Variants in SLFN12L observed in about 807,000 individuals in gnomAD.
The protein encoded by SLFN12L is schlafen family member 12 like, also known as schlafen family member 12-like.
Under a neutral mutation model 34.8 loss-of-function variants are expected in SLFN12L, and 34 were observed. The ratio of observed to expected loss-of-function variants is 0.98; its 90% CI spans 0.74 to 1.30. The LOEUF (loss-of-function observed/expected upper bound fraction) is 1.30. Ranked by LOEUF, SLFN12L falls within the 50% of genes most tolerant of loss-of-function variation. The probability of loss-of-function intolerance (pLI) is 0.00; values close to 1 mark genes in which losing one functional copy is unlikely to be tolerated. For synonymous variants in SLFN12L, 259 were observed against 247.5 expected (o/e 1.05, Z -0.44); for missense variants, 703 against 696.2 (o/e 1.01, Z -0.11).
chr17:35,490,536 CCAGTGGATGGGTTG>C, intron 2 of SLFN12L: 6 of 863,820 alleles, frequency 6.9e-6, no homozygotes, highest in Non-Finnish European at 1.2e-5. Flanking sequence ...AAAATAACGT[CCAGTGGATGGGTTG>C]CAGTCTGTCT....
chr17:35,526,019 C>T (rs892754231), intron 1 of SLFN12L, among the ~76,000 whole-genome samples: 2 of 152,030 alleles, frequency 1.3e-5, no homozygotes, highest in African/African-American at 4.8e-5. Context: ...GGAATATTTA[C>T]CAAGCAAAGG....
chr17:35,475,264 T>G lies in SLFN12L; in HGVS notation c.1498A>C (p.Thr500Pro). The G allele has an allele frequency of 1.2e-6, 2 of 1,614,120 alleles. No individual in the cohort carries two copies. The highest frequency in any genetic ancestry group is 1.7e-6 in the Non-Finnish European group (2 of 1,180,016). The change falls in exon 5 of 5, where the codon ACC (threonine) becomes CCC (proline). Residue 500 changes from threonine (T) to proline (P), a missense_variant. Coordinates refer to ENST00000628453, the MANE Select transcript of SLFN12L (RefSeq NM_001363830.2). Reference protein sequence around the residue: ...ISQDKPPVLYTFHMVQDEEFK... With the variant: ...ISQDKPPVLYPFHMVQDEEFK... Reference sequence around the variant, plus strand: ...TCCTCATCCTGTACCATGTGGAAGGTGTATAGGACTGGAGGCTTGTCCTGG... The same window carrying G: ...TCCTCATCCTGTACCATGTGGAAGGGGTATAGGACTGGAGGCTTGTCCTGG...
intron 1 of SLFN12L, among the ~76,000 whole-genome samples, chr17:35,525,439 A>G (rs1022361934): frequency 6.6e-6 from 1 of 152,218 alleles, no homozygotes; most frequent in African/African-American, 2.4e-5. Flanking sequence ...GAAGGAAAAA[A>G]ATGTTAAGGG....
Position 35,471,771 on chromosome 17 carries a change from T to C in SLFN12L, c.*3152A>G, listed in dbSNP as rs1214460840. ...TAATCACCATTTGACTTGTGTGAGA[T>C]GGTGTCTCATTGTGGTTTTGATTTG... On this transcript the variant is annotated 3_prime_UTR_variant, in exon 5 of 5. Transcript: ENST00000628453. Among the ~76,000 whole-genome samples, 1 of 152,218 alleles carries C rather than the reference T, an allele frequency of 6.6e-6. No homozygotes were observed. Among genetic ancestry groups the C allele is most frequent in the African/African-American group, 2.4e-5 (1 of 41,456 alleles).
In SLFN12L at chr17:35,502,871, A is replaced by G. The variant is rs185311159; in HGVS notation, c.86+19408T>C. Among the ~76,000 whole-genome samples the G allele has an allele frequency of 8.5e-5, 13 of 152,350 alleles. No individual in the cohort carries two copies. In the East Asian group the frequency reaches 2.3e-3, roughly 27 times the overall value. ...AGAATTTATGCAAAAATAATGTTAT[A>G]TGGTAAATTCTTGTCCTGAAATAAA... On this transcript the variant is annotated intron_variant, in intron 2 of 4. Transcript: ENST00000628453.
At chr17:35,504,816 A>G (rs1391089201) in intron 2 of SLFN12L, among the ~76,000 whole-genome samples, 2 of 152,332 alleles carry the variant, frequency 1.3e-5, no homozygotes, top group African/African-American at 4.8e-5. Flanking sequence ...AGAATTTTCA[A>G]GAGCTTATCA....
chr17:35,532,278 A>G (rs2072418947), intron 1 of SLFN12L, among the ~76,000 whole-genome samples: 2 of 151,724 alleles, frequency 1.3e-5, no homozygotes, highest in African/African-American at 4.8e-5. Flanking sequence ...CGACTCTACT[A>G]AAAATACAAA....
chr17:35,519,291 GCA>G (rs2142166311), intron 2 of SLFN12L, among the ~76,000 whole-genome samples: 2 of 152,214 alleles, frequency 1.3e-5, no homozygotes, highest in East Asian at 1.9e-4. Flanking sequence ...AACTACCATG[GCA>G]CATGTATACC....
Position 35,464,896 on chromosome 17 carries a change from A to C in SLFN12L, c.*10027T>G, listed in dbSNP as rs1913697478. 6.6e-6 allele frequency among the ~76,000 whole-genome samples: 1 copy of C among 152,040 alleles called. No homozygotes were observed. Among genetic ancestry groups the C allele is most frequent in the Admixed American group, 6.6e-5 (1 of 15,260 alleles). ...TCTGTTTTTTGCTTTTTTTAGAGAG[A>C]GATAAAGTCTTGCTCTGTCACCCAG... On this transcript the variant is annotated 3_prime_UTR_variant, in exon 5 of 5. Coordinates refer to ENST00000628453, the MANE Select transcript of SLFN12L (RefSeq NM_001363830.2).
intron 2 of SLFN12L, among the ~76,000 whole-genome samples, chr17:35,495,900 AAC>A (rs58553128): frequency 0.063 from 8,706 of 137,880 alleles, 266 homozygotes; most frequent in African/African-American, 0.076. Flanking sequence ...GCCGATTTGA[AAC>A]ACACACACAC....
intron 4 of SLFN12L, 74 bp downstream of exon 4, chr17:35,478,001 C>A (rs1914112294): frequency 2.3e-6 from 2 of 878,248 alleles, no homozygotes; most frequent in African/African-American, 1.8e-5. Context: ...AATATCAAGA[C>A]AGAGCTGGTT....
Position 35,479,785 on chromosome 17 carries a change from G to C in SLFN12L, c.497C>G (p.Ser166Cys). ...TSGPQIATLS[S>C]SLYKRDVTSA... Reference sequence around the variant, plus strand: ...CGTTACATCTCTCTTGTACAAACTGGAGCTCAACGTGGCAATCTGCGGACC... The same window carrying C: ...CGTTACATCTCTCTTGTACAAACTGCAGCTCAACGTGGCAATCTGCGGACC... Residue 166 changes from serine (S) to cysteine (C), a missense_variant, in exon 3 of 5, where the codon TCC (serine) becomes TGC (cysteine). By Grantham distance (112) the Ser-to-Cys change is moderately radical. Coordinates refer to ENST00000628453, the MANE Select transcript of SLFN12L (RefSeq NM_001363830.2). 1 of 1,613,338 alleles carries C rather than the reference G, an allele frequency of 6.2e-7. No homozygotes were observed. Among genetic ancestry groups the C allele is most frequent in the Non-Finnish European group, 8.5e-7 (1 of 1,179,578 alleles).
chr17:35,511,160 GTTC>G (rs758708417), intron 2 of SLFN12L, among the ~76,000 whole-genome samples: 23 of 152,178 alleles, frequency 1.5e-4, no homozygotes, highest in Admixed American at 9.8e-4. Flanking sequence ...AAGATGCAGA[GTTC>G]TTTTCTTTTT....
intron 2 of SLFN12L, among the ~76,000 whole-genome samples, chr17:35,496,214 T>C (rs1334525528): frequency 6.6e-6 from 1 of 152,060 alleles, no homozygotes; most frequent in African/African-American, 2.4e-5. Context: ...CCAGGCACGG[T>C]GGCTCACGCC....
chr17:35,525,242 A>C (rs1194397651), intron 1 of SLFN12L, among the ~76,000 whole-genome samples: 5 of 152,168 alleles, frequency 3.3e-5, no homozygotes, highest in Non-Finnish European at 7.4e-5. Context: ...ATTGGTGTAC[A>C]TGAAAGTGAT....
rs9910817 is a variant in SLFN12L at position 35,524,583 on chromosome 17, G to C, written c.-605-1614C>G. Reference sequence around the variant, plus strand: ...CACACTGGTGATACCCAGGCAAACGGGGTCTGCAGTGGACCTCCAGCAAAC... The same window carrying C: ...CACACTGGTGATACCCAGGCAAACGCGGTCTGCAGTGGACCTCCAGCAAAC... On this transcript the variant is annotated intron_variant, in intron 1 of 4. Coordinates refer to ENST00000628453, the MANE Select transcript of SLFN12L (RefSeq NM_001363830.2). Among the ~76,000 whole-genome samples the C allele has an allele frequency of 4.4e-3, 670 of 152,340 alleles. 8 individuals are homozygous for C. Among genetic ancestry groups the C allele is most frequent in the African/African-American group, 0.016 (647 of 41,578 alleles).
intron 2 of SLFN12L, among the ~76,000 whole-genome samples, chr17:35,510,589 G>A (rs1383053456): frequency 1.3e-5 from 2 of 152,170 alleles, no homozygotes; most frequent in Non-Finnish European, 2.9e-5. Flanking sequence ...GTTGCCAGGG[G>A]CTGGACAAGG....
chr17:35,503,421 T>C (rs912817757), intron 2 of SLFN12L, among the ~76,000 whole-genome samples: 1 of 152,106 alleles, frequency 6.6e-6, no homozygotes, highest in Non-Finnish European at 1.5e-5. Flanking sequence ...ACATTAAAAA[T>C]TGAATAAATA....
At position 35,530,515 on chromosome 17, in the gene SLFN12L, AAG is replaced by A. The variant is rs1272218775; in HGVS notation, c.-606+7056_-606+7057del. 5.5e-5 allele frequency among the ~76,000 whole-genome samples: 2 copies of A among 36,270 alleles called. 1 individual carries two copies. The highest frequency in any genetic ancestry group is 1.0e-3 in the East Asian group (2 of 1,922). The allele number at this position is 36,270 out of a possible 152,430, so 23.8% of individuals were successfully genotyped here. A position where few individuals can be genotyped will look rare whatever the true frequency, so the allele number is the denominator to read the frequency against. On this transcript the variant is annotated intron_variant, in intron 1 of 4. Transcript: ENST00000628453. ...AAGAAAGAAAGAAAGAAAGAAAGAA[AAG>A]AAAAGAAAAGAAAAGAAAAGAAAAG...
Sources: gnomAD v4.1 joint callset for allele counts (sites outside exome capture counted in the v4.1 genomes callset) on GRCh38, gnomAD v4.1.1 for gene constraint, MANE v1.5 for transcripts, NCBI Gene and HGNC (gene_info 2026-07-23, HGNC 2026-07-21) for gene names.